Variants in OTOG observed in about 807,000 individuals in gnomAD.
OTOG encodes the protein otogelin.
Under a neutral mutation model 313.8 loss-of-function variants are expected in OTOG, and 296 were observed. The ratio of observed to expected loss-of-function variants is 0.94; its 90% confidence interval spans 0.86 to 1.04. The LOEUF is 1.04. Ranked by LOEUF, OTOG falls within the 50% of genes least tolerant of loss-of-function variation. The pLI, the probability that OTOG is intolerant of heterozygous loss-of-function variation, is 0.00. For missense variants in OTOG, 3,948 were observed against 3,840.1 expected (o/e 1.03, Z -0.74); for synonymous variants, 1,533 against 1,554.9 (o/e 0.99, Z 0.33).
At chr11:17,623,422 T>C (rs1391367744) in intron 39 of OTOG, among the ~76,000 whole-genome samples, 2 of 152,328 alleles carry the variant, frequency 1.3e-5, no homozygotes, top group East Asian at 3.8e-4. Flanking sequence ...TTTGCATTAG[T>C]TTGCTAAGGA....
intron 20 of OTOG, among the ~76,000 whole-genome samples, chr11:17,575,749 TC>T (rs1289284526): frequency 1.3e-5 from 2 of 152,130 alleles, no homozygotes; most frequent in Non-Finnish European, 2.9e-5. Flanking sequence ...TACAGAATCC[TC>T]CCTTGAGATC....
Position 17,609,849 on chromosome 11 carries a change from G to A in OTOG, c.4549G>A (p.Glu1517Lys), listed in dbSNP as rs1043315110. The change falls in exon 36 of 56, where the codon GAG becomes AAG. Residue 1517 changes from glutamate (E) to lysine (K), a missense_variant. Physicochemically the swap from Glu to Lys is moderately conservative, Grantham distance 56. Transcript: ENST00000399397. ...CCTGAACCCACCAGTGACAGCCACT[G>A]AGGAGCCAGTGGTGTCTCCAGGCCC... ...TALNPPVTAT[E>K]EPVVSPGPTQ... is the part of the protein sequence containing the mutation. 6.6e-7 allele frequency: 1 copy of A among 1,519,824 alleles called. No homozygotes were observed. Among genetic ancestry groups the A allele is most frequent in the Admixed American group, 2.0e-5 (1 of 48,888 alleles). The allele number at this position is 1,519,824 out of a possible 1,614,324, so 94.1% of individuals were successfully genotyped here.
chr11:17,566,968 G>A (rs1272817771), intron 15 of OTOG, among the ~76,000 whole-genome samples: 1 of 152,112 alleles, frequency 6.6e-6, no homozygotes, highest in Non-Finnish European at 1.5e-5. Context: ...GAAGTTCTGT[G>A]GGCTTTTGGA....
intron 4 of OTOG, among the ~76,000 whole-genome samples, chr11:17,552,644 C>T (rs1190089372): frequency 6.6e-6 from 1 of 152,236 alleles, no homozygotes; most frequent in Non-Finnish European, 1.5e-5. Flanking sequence ...TCCTCGCTGC[C>T]CTCTGCTCTG....
chr11:17,586,429 T>C, intron 23 of OTOG, 45 bp from the exon 24 acceptor site: 1 of 1,205,152 alleles, frequency 8.3e-7, no homozygotes, highest in Non-Finnish European at 1.1e-6. Flanking sequence ...ATGGCAGCTA[T>C]GGGAAGAGTG....
chr11:17,612,273 C>T lies in OTOG; in HGVS notation c.6235C>T (p.Leu2079=). The change falls in exon 37 of 56, where the codon CTG becomes TTG. Residue 2079 remains leucine, a synonymous_variant. Transcript: ENST00000399397. Reference sequence around the variant, plus strand: ...TGCTGCTCCCCCTCGCTGTGGGATCCTGGGCCTCGCCGTGCGGGTGGGTGG... The same window carrying T: ...TGCTGCTCCCCCTCGCTGTGGGATCTTGGGCCTCGCCGTGCGGGTGGGTGG... The part of the protein sequence containing the change: ...QGAAPPRCGI[L]GLAVRVGGDR... 1 of 1,544,786 alleles carries T rather than the reference C, an allele frequency of 6.5e-7. No individual in the cohort carries two copies. Among genetic ancestry groups the T allele is most frequent in the Non-Finnish European group, 8.7e-7 (1 of 1,146,890 alleles).
At position 17,605,967 on chromosome 11, in the gene OTOG, C is replaced by A. The variant is rs1249780108; in HGVS notation, c.3988C>A (p.Gln1330Lys). The A allele has an allele frequency of 5.2e-6, 8 of 1,550,526 alleles. No individual in the cohort carries two copies. The highest frequency in any genetic ancestry group is 7.0e-6 in the Non-Finnish European group (8 of 1,147,008). Reference protein sequence around the residue: ...AKWQGRDTFQQHASFLLHRGT... With the variant: ...AKWQGRDTFQKHASFLLHRGT... The stretch of plus-strand genomic sequence containing the variant: ...GTGGCAGGGCCGTGACACCTTCCAA[C>A]AGCATGCCTCCTTCTTGCTGCACCG... Residue 1330 changes from glutamine (Q) to lysine (K), a missense_variant, in exon 33 of 56, where the codon CAG (glutamine) becomes AAG (lysine). Transcript: ENST00000399397.
chr11:17,620,032 A>G (rs1260221029), intron 39 of OTOG, among the ~76,000 whole-genome samples: 1 of 152,162 alleles, frequency 6.6e-6, no homozygotes, highest in African/African-American at 2.4e-5. Flanking sequence ...TTATAGGCTG[A>G]TATTTTTTTC....
chr11:17,628,422 C>T (rs964918566), intron 39 of OTOG, among the ~76,000 whole-genome samples: 2 of 151,928 alleles, frequency 1.3e-5, no homozygotes, highest in African/African-American at 4.8e-5. Context: ...CCATTTTTTT[C>T]AGTGTAAAAC....
intron 6 of OTOG, among the ~76,000 whole-genome samples, chr11:17,554,287 T>G (rs1252340085): frequency 6.6e-6 from 1 of 152,126 alleles, no homozygotes; most frequent in African/African-American, 2.4e-5. Context: ...CTTACAAAGG[T>G]CTGGTTTTGG....
Position 17,561,799 on chromosome 11 carries a change from T to C in OTOG, c.1636T>C (p.Cys546Arg). 5.2e-6 allele frequency: 8 copies of C among 1,550,320 alleles called. No homozygotes were observed. Among genetic ancestry groups the C allele is most frequent in the Non-Finnish European group, 7.0e-6 (8 of 1,146,910 alleles). The part of the protein sequence containing the change: ...TFTVTLQNAP[C>R]GLNQDGACVQ... ...CACCGTGACATTGCAGAATGCCCCATGTGGCCTGGTAAGAGCTGGGGATCC... is the reference window on the plus strand; with the variant it reads ...CACCGTGACATTGCAGAATGCCCCACGTGGCCTGGTAAGAGCTGGGGATCC... The change falls in exon 15 of 56, where the codon TGT becomes CGT. Residue 546 changes from cysteine to arginine, a missense_variant. By Grantham distance (180) the Cys-to-Arg change is radical. Coordinates refer to ENST00000399397, the MANE Select transcript of OTOG (RefSeq NM_001292063.2).
At chr11:17,594,768 C>T (rs1853050770) in intron 28 of OTOG, among the ~76,000 whole-genome samples, 1 of 152,150 alleles carries the variant, frequency 6.6e-6, no homozygotes, top group Admixed American at 6.5e-5. Context: ...GGGTTCTTGT[C>T]TTGGGTCATC....
Position 17,558,201 on chromosome 11 carries a change from CG to C in OTOG, c.883del (p.Val295TrpfsTer79). The C allele has an allele frequency of 6.4e-7, 1 of 1,550,544 alleles. No individual in the cohort carries two copies. Among genetic ancestry groups the C allele is most frequent in the Admixed American group, 2.0e-5 (1 of 51,000 alleles). On this transcript the variant is annotated frameshift_variant, in exon 9 of 56. Transcript: ENST00000399397. LOFTEE classifies it high-confidence loss of function. ...VTSSGKLTDDVVEFVHSWQEQ... is the reference protein window; with the variant it reads ...VTSSGKLTDDXVEFVHSWQEQ... ...CTCCTCCAGGGAAGCTGACTGACGA[CG>C]TGGTTGAGTTTGTGCACAGCTGGCA...
At position 17,555,909 on chromosome 11, in the gene OTOG, A is replaced by G; in HGVS notation, c.659+12A>G. On this transcript the variant is annotated intron_variant, in intron 7 of 55. Coordinates refer to ENST00000399397, the MANE Select transcript of OTOG (RefSeq NM_001292063.2). Reference sequence around the variant, plus strand: ...CATGGAGGCATGAGGTAACTCTAACACCTTCCACATCGAGCTGTCCTATCC... The same window carrying G: ...CATGGAGGCATGAGGTAACTCTAACGCCTTCCACATCGAGCTGTCCTATCC... 1 of 1,536,290 alleles carries G rather than the reference A, an allele frequency of 6.5e-7. No homozygotes were observed. The highest frequency in any genetic ancestry group is 2.4e-5 in the East Asian group (1 of 40,848).
At chr11:17,555,939 C>A (rs1281658967) in intron 7 of OTOG, 42 bp downstream of exon 7, 1 of 1,450,922 alleles carries the variant, frequency 6.9e-7, no homozygotes, top group South Asian at 1.2e-5. Context: ...CTATCCCTGA[C>A]ACTGGTGGTG....
chr11:17,609,262 G>A, intron 35 of OTOG, 53 bp downstream of exon 35: 2 of 1,485,340 alleles, frequency 1.3e-6, no homozygotes, highest in East Asian at 2.5e-5. Flanking sequence ...AAGTCCCTAG[G>A]GTCTCACTGA....
chr11:17,600,469 C>A (rs1565111475), intron 31 of OTOG, among the ~76,000 whole-genome samples: 1 of 152,212 alleles, frequency 6.6e-6, no homozygotes, highest in Non-Finnish European at 1.5e-5. Context: ...CCTATGTGGG[C>A]AGAGGCCCAG....
intron 15 of OTOG, 118 bp from the exon 16 acceptor site, chr11:17,569,038 G>A (rs933766598): frequency 1.5e-5 from 18 of 1,229,182 alleles, no homozygotes; most frequent in Non-Finnish European, 1.8e-5. Context: ...GGCTCTGTCT[G>A]TCATTCTGAG....
chr11:17,634,063 C>T lies in OTOG; in HGVS notation c.7268-6C>T. On this transcript the variant is annotated splice_polypyrimidine_tract_variant and splice_region_variant and intron_variant, in intron 43 of 55. Transcript: ENST00000399397. ...GTCCCTCGCACCCTGCCATTCCCCT[C>T]TGCAGCCTGCACTGACAGCATGGGG... 1 of 1,542,804 alleles carries T rather than the reference C, an allele frequency of 6.5e-7. No homozygotes were observed. The highest frequency in any genetic ancestry group is 8.7e-7 in the Non-Finnish European group (1 of 1,146,216).
Sources: allele counts gnomAD v4.1 joint callset (sites outside exome capture counted in the v4.1 genomes callset), GRCh38; gene constraint gnomAD v4.1.1; transcripts MANE v1.5; gene names NCBI Gene and HGNC (gene_info 2026-07-23, HGNC 2026-07-21).